The following MTCL2 variants were observed in gnomAD, a reference collection of about 807,000 sequenced individuals.
MTCL2 encodes the protein microtubule cross-linking factor 2.
the MTCL2 span, among the ~76,000 whole-genome samples, chr20:36,841,226 G>A: frequency 2.0e-5 from 3 of 148,576 alleles, no homozygotes; most frequent in African/African-American, 7.5e-5. Flanking sequence ...CCAGCTACTC[G>A]GGAGGCCGAG....
At chr20:36,812,604 T>C in the MTCL2 span, 2 of 1,492,166 alleles carry the variant, frequency 1.3e-6, no homozygotes, top group Non-Finnish European at 1.8e-6. Context: ...CCCAAACCCA[T>C]ATCCTCACCA....
the MTCL2 span, among the ~76,000 whole-genome samples, chr20:36,859,011 G>A: frequency 6.6e-6 from 1 of 152,088 alleles, no homozygotes; most frequent in Non-Finnish European, 1.5e-5. Flanking sequence ...GACTGGTTTC[G>A]AACTCCTGAC....
the MTCL2 span, among the ~76,000 whole-genome samples, chr20:36,850,615 A>T: frequency 6.6e-6 from 1 of 152,162 alleles, no homozygotes; most frequent in Non-Finnish European, 1.5e-5. Context: ...ACAATTAGTG[A>T]GTGCCTATGG....
chr20:36,803,030 C>T, the MTCL2 span: 2 of 1,603,690 alleles, frequency 1.2e-6, no homozygotes, highest in Admixed American at 3.4e-5. Context: ...GCTGCTGCTC[C>T]TCACGCTCCC....
the MTCL2 span, chr20:36,808,863 G>A: frequency 2.4e-5 from 20 of 830,546 alleles, no homozygotes; most frequent in Non-Finnish European, 3.7e-5. Flanking sequence ...GATCCCTGCC[G>A]GGGATCCCAC....
chr20:36,859,432 A>T, the MTCL2 span: 10 of 491,276 alleles, frequency 2.0e-5, no homozygotes, highest in Non-Finnish European at 2.9e-5. Flanking sequence ...ACCCAAGGTC[A>T]GGCAGCTCAA....
the MTCL2 span, chr20:36,810,069 G>A: frequency 1.3e-6 from 2 of 1,599,182 alleles, no homozygotes; most frequent in Non-Finnish European, 1.7e-6. Context: ...CCCGGAGGCT[G>A]TCGTGGGCCT....
At chr20:36,806,046 C>T in the MTCL2 span, 19 of 1,084,502 alleles carry the variant, frequency 1.8e-5, no homozygotes, top group African/African-American at 1.7e-4. Context: ...TCGAGGAGCA[C>T]GGCTGGATAG....
chr20:36,784,371 G>A, the MTCL2 span: 1 of 985,888 alleles, frequency 1.0e-6, no homozygotes, highest in East Asian at 1.1e-4. Context: ...GCAGGGAAGG[G>A]AGATGCAGGA....
the MTCL2 span, among the ~76,000 whole-genome samples, chr20:36,852,664 G>A: frequency 6.6e-6 from 1 of 152,162 alleles, no homozygotes; most frequent in Non-Finnish European, 1.5e-5. Context: ...CACTGAGTGG[G>A]AGGGGGGACT....
chr20:36,797,142 G>A, the MTCL2 span, among the ~76,000 whole-genome samples: 1 of 152,078 alleles, frequency 6.6e-6, no homozygotes, highest in East Asian at 1.9e-4. Context: ...TGTGATCCAG[G>A]CTGGGCCAAT....
the MTCL2 span, chr20:36,839,231 C>T: frequency 1.9e-6 from 3 of 1,600,340 alleles, no homozygotes; most frequent in Non-Finnish European, 1.7e-6. The surrounding 1 kb of genome is among the most constrained non-coding windows in gnomAD (Gnocchi z 5.1). Context: ...ACATCCTGCT[C>T]CAGACCACGG....
chr20:36,785,065 C>T, the MTCL2 span: 1 of 985,448 alleles, frequency 1.0e-6, no homozygotes, highest in Non-Finnish European at 1.2e-6. Context: ...CCGTCCAGCC[C>T]TCCACCTTGT....
chr20:36,782,803 G>A, the MTCL2 span: 1 of 152,524 alleles, frequency 6.6e-6, no homozygotes. Flanking sequence ...CCAAAGAGCT[G>A]GGATTTCAGG....
the MTCL2 span, chr20:36,794,471 G>A: frequency 6.2e-7 from 1 of 1,614,034 alleles, no homozygotes; most frequent in African/African-American, 1.3e-5. This position sits in a 1 kb window ranked among gnomAD's most constrained non-coding sequence, Gnocchi z 5.4. Flanking sequence ...TGGATCCCCT[G>A]GCTCGGAGCT....
the MTCL2 span, chr20:36,783,685 G>A: frequency 1.2e-6 from 1 of 858,578 alleles, no homozygotes; most frequent in Non-Finnish European, 1.4e-6. Context: ...CAATTCTCCA[G>A]GGAATCCCCA....
chr20:36,804,870 C>T, the MTCL2 span: 1 of 1,613,906 alleles, frequency 6.2e-7, no homozygotes, highest in Admixed American at 1.7e-5. Flanking sequence ...GCGTCACCTT[C>T]ATGTCGGCCA....
chr20:36,845,312 G>C, the MTCL2 span, among the ~76,000 whole-genome samples: 1 of 152,266 alleles, frequency 6.6e-6, no homozygotes, highest in Non-Finnish European at 1.5e-5. Flanking sequence ...GCCTGACACA[G>C]AGCAGGATCT....
chr20:36,803,077 C>G, the MTCL2 span: 1 of 1,608,534 alleles, frequency 6.2e-7, no homozygotes, highest in Non-Finnish European at 8.5e-7. Flanking sequence ...CCTGCCCGCT[C>G]CCCGGCCCCC....
Sources: gnomAD v4.1 joint callset for allele counts (sites outside exome capture counted in the v4.1 genomes callset) on GRCh38, gnomAD v4.1.1 for gene constraint, Gnocchi (gnomAD v3.1) non-coding constraint, MANE v1.5 for transcripts, NCBI Gene and HGNC (gene_info 2026-07-23, HGNC 2026-07-21) for gene names.